The following AGAP1 variants were observed in gnomAD, a reference collection of about 807,000 sequenced individuals.
The protein encoded by AGAP1 is arf-GAP with GTPase, ANK repeat and PH domain-containing protein 1.
Under a neutral mutation model 105.3 loss-of-function variants are expected in AGAP1, and 29 were observed. That is an observed-to-expected ratio of 0.28 (90% CI 0.21 to 0.38). The LOEUF (loss-of-function observed/expected upper bound fraction) is 0.38. Among genes scored for constraint, AGAP1 ranks in the 10% least tolerant of loss-of-function variants. AGAP1 has a pLI of 1.00. For synonymous variants in AGAP1, 509 were observed against 485.9 expected, an observed-to-expected ratio of 1.05 and a Z score of -0.63; for missense variants, 998 against 1,165.1, an observed-to-expected ratio of 0.86 and a Z score of 2.09.
rs12328981 is a variant in AGAP1 at position 235,769,743 on chromosome 2, C to T, written c.673+19255C>T. Among the ~76,000 whole-genome samples the T allele has an allele frequency of 4.3e-3, 647 of 152,194 alleles. 5 individuals carry two copies. The highest frequency in any genetic ancestry group is 0.015 in the African/African-American group (621 of 41,520). On this transcript the variant is annotated intron_variant, in intron 6 of 17. Coordinates refer to ENST00000304032, the MANE Select transcript of AGAP1 (RefSeq NM_001037131.3). The surrounding 1 kb of genome is among the most constrained non-coding windows in gnomAD (Gnocchi z 4.4). ...GTGACTAAAGGGCATCTCCAGGTGC[C>T]GCCTCTCACCTGGTCCTGGATCATG...
Position 235,720,605 on chromosome 2 carries a change from C to A in AGAP1, c.310+2961C>A, listed in dbSNP as rs569833589. The A allele has an allele frequency of 3.2e-6, 3 of 937,576 alleles. No individual in the cohort carries two copies. Among genetic ancestry groups the A allele is most frequent in the African/African-American group, 1.8e-5 (1 of 56,262 alleles). 58.1% of individuals were successfully genotyped at this position (937,576 alleles called of 1,614,324 possible). A position where few individuals can be genotyped will look rare whatever the true frequency, so the allele number is the denominator to read the frequency against. ...ACTGCTAGAGCGATCAACTGGGCAG[C>A]TACTTTGAATGAAAGGCATTTTGCT... On this transcript the variant is annotated intron_variant, in intron 3 of 17. Transcript: ENST00000304032. The surrounding 1 kb of genome is among the most constrained non-coding windows in gnomAD (Gnocchi z 5.0).
At chr2:235,697,442 C>T (rs899988158) in intron 1 of AGAP1, among the ~76,000 whole-genome samples, 6 of 152,306 alleles carry the variant, frequency 3.9e-5, no homozygotes, top group South Asian at 2.1e-4. Flanking sequence ...CTGCAATCCC[C>T]GATGAAGCAA....
intron 1 of AGAP1, among the ~76,000 whole-genome samples, chr2:235,647,507 C>T (rs570428338): frequency 6.6e-6 from 1 of 152,196 alleles, no homozygotes; most frequent in Admixed American, 6.5e-5. Context: ...CTCACCTCAG[C>T]CTCCCGAGTA....
At chr2:236,081,838 A>G (rs956838343) in intron 16 of AGAP1, among the ~76,000 whole-genome samples, 2 of 152,222 alleles carry the variant, frequency 1.3e-5, no homozygotes, top group Non-Finnish European at 2.9e-5. Context: ...TGGTCTAAAT[A>G]GAACATTTTT....
intron 1 of AGAP1, among the ~76,000 whole-genome samples, chr2:235,682,862 C>G (rs1000521675): frequency 1.3e-5 from 2 of 151,570 alleles, no homozygotes; most frequent in African/African-American, 4.9e-5. Context: ...CGGTCTGTTG[C>G]CAGCTGCTGT....
intron 1 of AGAP1, among the ~76,000 whole-genome samples, chr2:235,682,505 G>A (rs925291812): frequency 2.0e-5 from 3 of 151,808 alleles, no homozygotes; most frequent in South Asian, 2.1e-4. Context: ...ACCATGCCTG[G>A]TTAATTTTTT....
At chr2:235,868,421 G>T (rs995301043) in intron 9 of AGAP1, among the ~76,000 whole-genome samples, 1 of 152,124 alleles carries the variant, frequency 6.6e-6, no homozygotes, top group Non-Finnish European at 1.5e-5. Context: ...AATGCTGCCC[G>T]CAGAGCAAAG....
In AGAP1 at chr2:236,000,471, C is replaced by T. The variant is rs1345930163; in HGVS notation, c.1645+31848C>T. Among the ~76,000 whole-genome samples, 1 of 152,102 alleles carries T rather than the reference C, an allele frequency of 6.6e-6. No individual in the cohort carries two copies. The highest frequency in any genetic ancestry group is 2.4e-5 in the African/African-American group (1 of 41,434). ...TTGTTCAGAGACAGTGGTACTGCGT[C>T]CCCCTCCTCCAGTCCAGTCCCCCAC... is the stretch of plus-strand genomic sequence containing the variant. On this transcript the variant is annotated intron_variant, in intron 13 of 17. Coordinates refer to ENST00000304032, the MANE Select transcript of AGAP1 (RefSeq NM_001037131.3). The surrounding 1 kb of genome is among the most constrained non-coding windows in gnomAD (Gnocchi z 4.3).
rs2059261562 is a variant in AGAP1 at position 236,098,814 on chromosome 2, CAG to C, written c.2115-21377_2115-21376del. ...TAATTTTTTTTAATTTTTATAGAAA[CAG>C]GGTCTCATATTGACCAGGCTGATTT... On this transcript the variant is annotated intron_variant, in intron 16 of 17. Transcript: ENST00000304032. Among the ~76,000 whole-genome samples, 10 of 151,646 alleles carry C rather than the reference CAG, an allele frequency of 6.6e-5. No homozygotes were observed. The South Asian group carries it at 1.9e-3, about 29-fold the overall frequency.
Position 235,908,816 on chromosome 2 carries a change from C to G in AGAP1, c.1234C>G (p.Arg412Gly). The change falls in exon 11 of 18, where the codon CGA (arginine) becomes GGA (glycine). Residue 412 changes from arginine (R) to glycine (G), a missense_variant. Physicochemically the swap from Arg to Gly is moderately radical, Grantham distance 125 (BLOSUM62 -2). Coordinates refer to ENST00000304032, the MANE Select transcript of AGAP1 (RefSeq NM_001037131.3). This position sits in a 1 kb window ranked among gnomAD's most constrained non-coding sequence, Gnocchi z 4.4. Reference sequence around the variant, plus strand: ...GAAAGTCCCAGGGAAGAGGCCACCCCGAGCCACGTCAGCCTGCGCACCCAT... The same window carrying G: ...GAAAGTCCCAGGGAAGAGGCCACCCGGAGCCACGTCAGCCTGCGCACCCAT... ...TVKVPGKRPP[R>G]ATSACAPISS... is the part of the protein sequence containing the mutation. The G allele has an allele frequency of 6.2e-7, 1 of 1,613,990 alleles. No individual in the cohort carries two copies. The highest frequency in any genetic ancestry group is 8.5e-7 in the Non-Finnish European group (1 of 1,179,990).
intron 13 of AGAP1, among the ~76,000 whole-genome samples, chr2:236,032,005 ATCT>A (rs963534581): frequency 6.6e-6 from 1 of 152,092 alleles, no homozygotes; most frequent in South Asian, 2.1e-4. Context: ...GGGAAGCAAA[ATCT>A]TCTCCCAAAC....
chr2:236,120,046 C>G lies in AGAP1; in HGVS notation c.2115-146C>G. The G allele has an allele frequency of 8.6e-7, 1 of 1,163,370 alleles. No homozygotes were observed. Among genetic ancestry groups the G allele is most frequent in the Non-Finnish European group, 1.2e-6 (1 of 830,328 alleles). The allele number at this position is 1,163,370 out of a possible 1,614,324, so 72.1% of individuals were successfully genotyped here. A position where few individuals can be genotyped will look rare whatever the true frequency, so the allele number is the denominator to read the frequency against. On this transcript the variant is annotated intron_variant, in intron 16 of 17. Coordinates refer to ENST00000304032, the MANE Select transcript of AGAP1 (RefSeq NM_001037131.3). The surrounding 1 kb of genome is among the most constrained non-coding windows in gnomAD (Gnocchi z 6.0). ...TTTTGTGAAGGTGGATAAACGTTTC[C>G]CCCAGGGGGCTTTGTGCCGAGTGAA... is the stretch of plus-strand genomic sequence containing the variant.
chr2:235,752,246 C>T lies in AGAP1; in HGVS notation c.673+1758C>T, dbSNP rs2149721336. 6.6e-6 allele frequency among the ~76,000 whole-genome samples: 1 copy of T among 152,276 alleles called. No homozygotes were observed. Among genetic ancestry groups the T allele is most frequent in the South Asian group, 2.1e-4 (1 of 4,822 alleles). On this transcript the variant is annotated intron_variant, in intron 6 of 17. Transcript: ENST00000304032. The surrounding 1 kb of genome is among the most constrained non-coding windows in gnomAD (Gnocchi z 4.3). Reference sequence around the variant, plus strand: ...AGGCTGGAGTGCAATGGCGTGATGGCAGCTCACTGCAACCTCTGCCTCCCA... The same window carrying T: ...AGGCTGGAGTGCAATGGCGTGATGGTAGCTCACTGCAACCTCTGCCTCCCA...
intron 12 of AGAP1, among the ~76,000 whole-genome samples, chr2:235,939,353 G>A (rs1023377516): frequency 9.2e-5 from 14 of 152,054 alleles, no homozygotes; most frequent in Middle Eastern, 3.4e-3. Context: ...CTTGGACATG[G>A]GGTAGGGCAT....
intron 9 of AGAP1, among the ~76,000 whole-genome samples, chr2:235,814,306 A>G (rs189192407): frequency 6.6e-6 from 1 of 152,312 alleles, no homozygotes; most frequent in East Asian, 1.9e-4. Flanking sequence ...TTTCAGCAAA[A>G]TAGTGCTTAT....
At position 235,683,292 on chromosome 2, in the gene AGAP1, T is replaced by C. The variant is rs1949189445; in HGVS notation, c.164-25887T>C. On this transcript the variant is annotated intron_variant, in intron 1 of 17. Transcript: ENST00000304032. ...CTGCACTCCAGCCTGGGCAACAGAG[T>C]GAGACTCCATCTCAAACAACAACAA... Among the ~76,000 whole-genome samples the C allele has an allele frequency of 2.6e-5, 4 of 152,092 alleles. No individual in the cohort carries two copies. The South Asian group carries it at 8.3e-4, about 32-fold the overall frequency.
chr2:235,578,965 T>C lies in AGAP1; in HGVS notation c.163+84116T>C, dbSNP rs1944832378. The stretch of plus-strand genomic sequence containing the variant: ...TGTAATTTGAATTACTTCTGTTTCT[T>C]TCTCTTTGCTAGTCTAAGTCTTAGA... On this transcript the variant is annotated intron_variant, in intron 1 of 17. Coordinates refer to ENST00000304032, the MANE Select transcript of AGAP1 (RefSeq NM_001037131.3). This position sits in a 1 kb window ranked among gnomAD's most constrained non-coding sequence, Gnocchi z 4.9. Among the ~76,000 whole-genome samples, 1 of 152,154 alleles carries C rather than the reference T, an allele frequency of 6.6e-6. No homozygotes were observed. Among genetic ancestry groups the C allele is most frequent in the Non-Finnish European group, 1.5e-5 (1 of 68,026 alleles).
intron 1 of AGAP1, among the ~76,000 whole-genome samples, chr2:235,687,777 T>C (rs1454667312): frequency 6.6e-6 from 1 of 151,980 alleles, no homozygotes; most frequent in Non-Finnish European, 1.5e-5. Flanking sequence ...GAAGGTCAGA[T>C]AATTTAAGCA....
chr2:236,102,605 A>G (rs892897581), intron 16 of AGAP1, among the ~76,000 whole-genome samples: 1 of 151,562 alleles, frequency 6.6e-6, no homozygotes, highest in Non-Finnish European at 1.5e-5. Context: ...AAAAAAAGAA[A>G]GAAAGAAAGA....
Sources: gnomAD v4.1 joint callset for allele counts (sites outside exome capture counted in the v4.1 genomes callset) on GRCh38, gnomAD v4.1.1 for gene constraint, Gnocchi (gnomAD v3.1) non-coding constraint, MANE v1.5 for transcripts, NCBI Gene and HGNC (gene_info 2026-07-23, HGNC 2026-07-21) for gene names.